UAP1: variants seen among roughly 807,000 people sequenced by gnomAD.
UAP1 encodes UDP-N-acetylhexosamine pyrophosphorylase.
A neutral mutation model predicts 58.5 loss-of-function variants in UAP1; 25 were observed. The observed-to-expected ratio is 0.43, with a 90% confidence interval of 0.31 to 0.60. UAP1 has a LOEUF of 0.60. Among genes scored for constraint, UAP1 ranks in the 20% least tolerant of loss-of-function variants. The pLI is 0.11. For synonymous variants in UAP1, 208 were observed against 213.0 expected (o/e 0.98, Z 0.21); for missense variants, 575 against 630.0 (o/e 0.91, Z 0.93).
chr1:162,588,525 TG>T (rs775195445), intron 6 of UAP1, among the ~76,000 whole-genome samples, 167 bp from the exon 7 acceptor site: 1 of 152,170 alleles, frequency 6.6e-6, no homozygotes, highest in Non-Finnish European at 1.5e-5. Flanking sequence ...AAGAGATGAT[TG>T]GGGGAAAGCT....
At chr1:162,574,093 C>CTT (rs1204675147) in intron 2 of UAP1, among the ~76,000 whole-genome samples, 23 of 134,896 alleles carry the variant, frequency 1.7e-4, no homozygotes, top group Middle Eastern at 4.0e-3. Context: ...CTTTTCTTTT[C>CTT]TTTTTTTTTT....
chr1:162,592,771 T>G, exon 9 of UAP1: 1 of 1,550,282 alleles, frequency 6.5e-7, no homozygotes, highest in South Asian at 1.2e-5. Flanking sequence ...TCACAGCTGA[T>G]GTCAATCACA....
rs553131137 is a variant in UAP1, at chr1:162,587,339, T to C, written c.835-136T>C. On this transcript the variant is annotated intron_variant, in intron 5 of 10. Transcript: ENST00000271469. ...GTATATAAAGATGGATAGTTGATTG[T>C]CTAAAGTTAAAGATTCTTCTTGGCT... The C allele has an allele frequency of 4.5e-5, 34 of 758,632 alleles. No homozygotes were observed. In the Admixed American group the frequency reaches 6.5e-4, roughly 14 times the overall value. The allele number at this position is 758,632 out of a possible 1,614,324, so 47.0% of individuals were successfully genotyped here. A position where few individuals can be genotyped will look rare whatever the true frequency, so the allele number is the denominator to read the frequency against.
chr1:162,582,733 T>G (rs932123691), intron 5 of UAP1, among the ~76,000 whole-genome samples: 1 of 152,202 alleles, frequency 6.6e-6, no homozygotes, highest in South Asian at 2.1e-4. Flanking sequence ...AAATTCGATT[T>G]CAAATTATTT....
At position 162,576,990 on chromosome 1, in the gene UAP1, C is replaced by T. The variant is rs6700714; in HGVS notation, c.485+9C>T. The T allele has an allele frequency of 4.3e-3, 6,894 of 1,612,214 alleles. 244 individuals carry two copies. The African/African-American group carries it at 0.077, about 18-fold the overall frequency. On this transcript the variant is annotated intron_variant, in intron 3 of 10. Transcript: ENST00000271469. ...AAATGCATTATTCCATGGTAAGATACGTCTCATTATTGGAGTGTGTCTGAA... is the reference window on the plus strand; with the variant it reads ...AAATGCATTATTCCATGGTAAGATATGTCTCATTATTGGAGTGTGTCTGAA...
intron 1 of UAP1, among the ~76,000 whole-genome samples, chr1:162,565,145 C>G (rs1014944259): frequency 3.3e-5 from 5 of 152,102 alleles, no homozygotes; most frequent in African/African-American, 9.7e-5. Context: ...CATGCCTGGC[C>G]TCTAATCTTA....
intron 3 of UAP1, among the ~76,000 whole-genome samples, chr1:162,577,823 G>A (rs1401696839): frequency 1.3e-5 from 2 of 151,940 alleles, no homozygotes; most frequent in Non-Finnish European, 2.9e-5. Context: ...TGTTGGTCAA[G>A]CTGGTCTTGA....
intron 5 of UAP1, among the ~76,000 whole-genome samples, chr1:162,583,146 C>CTTTTTTT (rs11376471): frequency 5.9e-5 from 4 of 68,042 alleles, no homozygotes; most frequent in East Asian, 5.1e-4. Context: ...TGGTGTCACT[C>CTTTTTTT]TTTTTTTTTT....
At chr1:162,564,337 A>G (rs1474648106) in intron 1 of UAP1, among the ~76,000 whole-genome samples, 4 of 152,218 alleles carry the variant, frequency 2.6e-5, no homozygotes, top group African/African-American at 9.7e-5. Context: ...TAACCGAGGC[A>G]TGGGGAAATT....
chr1:162,586,630 T>G lies in UAP1; in HGVS notation c.835-845T>G, dbSNP rs150423179. On this transcript the variant is annotated intron_variant, in intron 5 of 10. Transcript: ENST00000271469. ...ATATTAGTGCATTGCATATAGTTCT[T>G]TTATAATTTTCTTCTAAACACTTAA... is the stretch of plus-strand genomic sequence containing the variant. Among the ~76,000 whole-genome samples the G allele has an allele frequency of 3.0e-4, 45 of 152,352 alleles. No individual in the cohort carries two copies. In the East Asian group the frequency reaches 8.7e-3, roughly 29 times the overall value.
exon 10 of UAP1, chr1:162,597,792 C>T: frequency 1.2e-6 from 2 of 1,612,524 alleles, no homozygotes; most frequent in Non-Finnish European, 8.5e-7. Flanking sequence ...TTTTTCTTAG[C>T]TTGAAGGATG....
At position 162,588,834 on chromosome 1, in the gene UAP1, G is replaced by A. The variant is rs142732186; in HGVS notation, c.1169+1G>A. ...TCTTTGACATCTTCCAGTTTGCAAA[G>A]TATGCTTTGAATAGTACCAATAAGG... On this transcript the variant is annotated splice_donor_variant, in intron 7 of 10. Coordinates refer to ENST00000271469, the Ensembl canonical transcript of UAP1. LOFTEE classifies it high-confidence loss of function. The A allele has an allele frequency of 1.9e-6, 3 of 1,611,594 alleles. No individual in the cohort carries two copies. The highest frequency in any genetic ancestry group is 2.7e-5 in the African/African-American group (2 of 74,706).
chr1:162,574,517 AATTG>A (rs1428119664), intron 2 of UAP1, among the ~76,000 whole-genome samples: 1 of 152,252 alleles, frequency 6.6e-6, no homozygotes, highest in Non-Finnish European at 1.5e-5. Context: ...ATTTTAAAAT[AATTG>A]ATAGTTGCCA....
chr1:162,581,597 C>A, intron 5 of UAP1, 138 bp downstream of exon 5: 1 of 817,190 alleles, frequency 1.2e-6, no homozygotes, highest in Non-Finnish European at 1.8e-6. Context: ...CTAAACGGTC[C>A]CACACCCACT....
exon 3 of UAP1, chr1:162,576,958 T>C (rs1654225555): frequency 3.7e-6 from 6 of 1,614,082 alleles, no homozygotes; most frequent in African/African-American, 1.3e-5. Flanking sequence ...AAAAATATTA[T>C]GGCAACAAAT....
intron 8 of UAP1, among the ~76,000 whole-genome samples, chr1:162,592,056 A>C (rs1655348497): frequency 6.6e-6 from 1 of 152,174 alleles, no homozygotes; most frequent in African/African-American, 2.4e-5. Flanking sequence ...CATTTAATTT[A>C]TATTCCTAAC....
chr1:162,573,137 T>A (rs10917567), intron 2 of UAP1, among the ~76,000 whole-genome samples: 3,336 of 152,290 alleles, frequency 0.022, 119 homozygotes, highest in African/African-American at 0.075. Flanking sequence ...TATATAGTGG[T>A]TTATGGGTCT....
At chr1:162,563,689 T>C (rs1207094880) in intron 1 of UAP1, among the ~76,000 whole-genome samples, 3 of 152,206 alleles carry the variant, frequency 2.0e-5, no homozygotes, top group Non-Finnish European at 4.4e-5. Context: ...TTGCATGGAT[T>C]CATTTTCCCA....
chr1:162,590,212 G>C lies in UAP1; in HGVS notation c.1170-111G>C, dbSNP rs1455325418. 13 of 801,810 alleles carry C rather than the reference G, an allele frequency of 1.6e-5. No homozygotes were observed. The East Asian group carries it at 3.1e-4, about 19-fold the overall frequency. The allele number at this position is 801,810 out of a possible 1,614,324, so 49.7% of individuals were successfully genotyped here. A position where few individuals can be genotyped will look rare whatever the true frequency, so the allele number is the denominator to read the frequency against. ...TGAGCAATATTTTATTCATCATTCA[G>C]ATTGGAATAGGAAAGCCTATTGTTG... On this transcript the variant is annotated intron_variant, in intron 7 of 10. Coordinates refer to ENST00000271469, the Ensembl canonical transcript of UAP1.
Sources: allele counts gnomAD v4.1 joint callset (sites outside exome capture counted in the v4.1 genomes callset), GRCh38; gene constraint gnomAD v4.1.1; transcripts MANE v1.5; gene names NCBI Gene and HGNC (gene_info 2026-07-23, HGNC 2026-07-21).